IL1RAPL2: variants seen among roughly 807,000 people sequenced by gnomAD.
IL1RAPL2 encodes interleukin 1 receptor accessory protein like 2, also known as X-linked interleukin-1 receptor accessory protein-like 2.
Under a neutral mutation model 44.1 loss-of-function variants are expected in IL1RAPL2, and 3 were observed. The ratio of observed to expected loss-of-function variants is 0.07; its 90% confidence interval spans 0.03 to 0.18. IL1RAPL2 has a LOEUF of 0.18. Among genes scored for constraint, IL1RAPL2 ranks in the 10% least tolerant of loss-of-function variants. The probability of loss-of-function intolerance (pLI) is 1.00; values close to 1 mark genes in which losing one functional copy is unlikely to be tolerated. For missense variants in IL1RAPL2, 391 were observed against 496.4 expected, an observed-to-expected ratio of 0.79 and a Z score of 2.02; for synonymous variants, 181 against 178.8, an observed-to-expected ratio of 1.01 and a Z score of -0.10.
chrX:105,521,326 C>T (rs1322424457), intron 6 of IL1RAPL2, among the ~76,000 whole-genome samples: 1 of 109,998 alleles, frequency 9.1e-6, no homozygotes, highest in East Asian at 2.9e-4. Flanking sequence ...GTCATGTACT[C>T]ACATGGGGAT....
At chrX:104,879,582 A>G (rs1923007900) in intron 2 of IL1RAPL2, among the ~76,000 whole-genome samples, 1 of 111,360 alleles carries the variant, frequency 9.0e-6, no homozygotes. Flanking sequence ...AGTAAACTTT[A>G]TATTTCCTTT....
At chrX:105,546,752 C>T (rs1282093709) in intron 6 of IL1RAPL2, among the ~76,000 whole-genome samples, 3 of 111,272 alleles carry the variant, frequency 2.7e-5, no homozygotes, top group Non-Finnish European at 3.8e-5. Flanking sequence ...GCCTAGTTAT[C>T]GCTAGTTACA....
chrX:104,905,654 C>T lies in IL1RAPL2; in HGVS notation c.82+246659C>T, dbSNP rs1240756647. Among the ~76,000 whole-genome samples the T allele has an allele frequency of 1.3e-4, 15 of 111,227 alleles. No individual in the cohort carries two copies. The East Asian group carries it at 2.6e-3, about 19-fold the overall frequency. Reference sequence around the variant, plus strand: ...TTTCTGAGGGCTCTGTTCTGTTCCACTGATCTATATCTCTGTTTTGGTACC... The same window carrying T: ...TTTCTGAGGGCTCTGTTCTGTTCCATTGATCTATATCTCTGTTTTGGTACC... On this transcript the variant is annotated intron_variant, in intron 2 of 10. Coordinates refer to ENST00000372582, the MANE Select transcript of IL1RAPL2 (RefSeq NM_017416.2).
chrX:104,674,168 T>A (rs1335385882), intron 2 of IL1RAPL2, among the ~76,000 whole-genome samples: 4 of 112,161 alleles, frequency 3.6e-5, no homozygotes, highest in Non-Finnish European at 5.6e-5. Context: ...GGCATCCCTG[T>A]CTTGTGCCAG....
intron 2 of IL1RAPL2, among the ~76,000 whole-genome samples, chrX:105,100,185 C>A (rs1054708130): frequency 1.1e-4 from 12 of 111,649 alleles, no homozygotes; most frequent in African/African-American, 3.3e-4. Context: ...TGTATGTAGA[C>A]GAAAAACATA....
At chrX:105,652,861 CATAGT>C (rs2037650726) in intron 6 of IL1RAPL2, among the ~76,000 whole-genome samples, 1 of 110,898 alleles carries the variant, frequency 9.0e-6, no homozygotes, top group Non-Finnish European at 1.9e-5. Flanking sequence ...CCACAATAAA[CATAGT>C]ACTGTATGGA....
intron 2 of IL1RAPL2, among the ~76,000 whole-genome samples, chrX:105,079,334 A>G (rs972070821): frequency 2.7e-5 from 3 of 109,892 alleles, no homozygotes; most frequent in Non-Finnish European, 3.8e-5. Context: ...TACCCAAAGT[A>G]TTATAAATCA....
At chrX:105,700,376 A>G (rs1391661362) in intron 6 of IL1RAPL2, among the ~76,000 whole-genome samples, 1 of 112,207 alleles carries the variant, frequency 8.9e-6, no homozygotes, top group Admixed American at 9.4e-5. Context: ...AGAAGCTTAG[A>G]CATCATCTGA....
At chrX:105,490,571 C>A (rs16984783) in intron 6 of IL1RAPL2, among the ~76,000 whole-genome samples, 10,227 of 111,568 alleles carry the variant, frequency 0.092, 1,143 homozygotes, top group African/African-American at 0.32. Context: ...GTAAAAGACT[C>A]TACAAGAGAA....
At chrX:105,523,735 G>A (rs779213972) in intron 6 of IL1RAPL2, among the ~76,000 whole-genome samples, 194 of 110,655 alleles carry the variant, frequency 1.8e-3, no homozygotes, top group Non-Finnish European at 3.0e-3. Flanking sequence ...ATAGATAAAC[G>A]CTAGGATACA....
chrX:104,681,364 A>C (rs1301300976), intron 2 of IL1RAPL2, among the ~76,000 whole-genome samples: 1 of 112,183 alleles, frequency 8.9e-6, no homozygotes. Context: ...AGTTCCCCTG[A>C]GGGTCAATAG....
At chrX:104,674,198 C>G (rs1436767525) in intron 2 of IL1RAPL2, among the ~76,000 whole-genome samples, 9 of 111,915 alleles carry the variant, frequency 8.0e-5, no homozygotes, top group Non-Finnish European at 1.5e-4. Context: ...GGAATGCTTC[C>G]AGTTTTTGCC....
At chrX:105,157,508 A>C (rs2033279538) in intron 2 of IL1RAPL2, among the ~76,000 whole-genome samples, 1 of 112,426 alleles carries the variant, frequency 8.9e-6, no homozygotes, top group Non-Finnish European at 1.9e-5. Flanking sequence ...TTAAAGCCAG[A>C]TCTTGTAAAA....
At chrX:105,561,577 A>G (rs2036937758) in intron 6 of IL1RAPL2, among the ~76,000 whole-genome samples, 1 of 111,759 alleles carries the variant, frequency 8.9e-6, no homozygotes, top group Non-Finnish European at 1.9e-5. Flanking sequence ...AGAGGAATCA[A>G]TATTTATCAA....
Position 104,908,650 on chromosome X carries a change from G to T in IL1RAPL2, c.82+249655G>T, listed in dbSNP as rs1298439451. The stretch of plus-strand genomic sequence containing the variant: ...ATTGGCCCCCACTGTCTTCTGGCTT[G>T]TAGGGTTTCTGCTGAGAGATCCGCT... On this transcript the variant is annotated intron_variant, in intron 2 of 10. Transcript: ENST00000372582. Among the ~76,000 whole-genome samples, 14 of 111,462 alleles carry T rather than the reference G, an allele frequency of 1.3e-4. No individual in the cohort carries two copies. The Admixed American group carries it at 1.3e-3, about 11-fold the overall frequency.
intron 2 of IL1RAPL2, among the ~76,000 whole-genome samples, chrX:104,698,085 G>A (rs12008800): frequency 0.055 from 6,170 of 112,336 alleles, 443 homozygotes; most frequent in African/African-American, 0.19. Context: ...GTTCCTTGAC[G>A]GCTGTTGGCT....
At chrX:105,108,775 C>T (rs148632279) in intron 2 of IL1RAPL2, among the ~76,000 whole-genome samples, 1,602 of 111,780 alleles carry the variant, frequency 0.014, 35 homozygotes, top group African/African-American at 0.049. Flanking sequence ...CTGAATTCAG[C>T]ATATATACTA....
intron 2 of IL1RAPL2, among the ~76,000 whole-genome samples, chrX:104,944,497 G>A (rs1356127976): frequency 9.0e-6 from 1 of 111,663 alleles, no homozygotes; most frequent in Non-Finnish European, 1.9e-5. Context: ...AATTGATCTT[G>A]CTATGTGAAC....
chrX:105,680,003 C>A (rs2037909762), intron 6 of IL1RAPL2, among the ~76,000 whole-genome samples: 1 of 110,850 alleles, frequency 9.0e-6, no homozygotes, highest in Non-Finnish European at 1.9e-5. Context: ...TTCTTTCTTT[C>A]TTTTTTTAAT....
Sources: gnomAD v4.1 joint callset for allele counts (sites outside exome capture counted in the v4.1 genomes callset) on GRCh38, gnomAD v4.1.1 for gene constraint, MANE v1.5 for transcripts, NCBI Gene and HGNC (gene_info 2026-07-23, HGNC 2026-07-21) for gene names.